PCDHA2: variants seen among roughly 807,000 people sequenced by gnomAD.
The protein encoded by PCDHA2 is protocadherin alpha 2, also known as protocadherin alpha-2.
In PCDHA2, 58 loss-of-function variants were observed where a neutral mutation model predicts 66.0. That is an observed-to-expected ratio of 0.88 (90% CI 0.71 to 1.09). PCDHA2 has a LOEUF of 1.09. Ranked by LOEUF, PCDHA2 falls within the 50% of genes least tolerant of loss-of-function variation. The pLI is 0.00. For missense variants in PCDHA2, 1,267 were observed against 1,242.3 expected, an observed-to-expected ratio of 1.02 and a Z score of -0.30; for synonymous variants, 634 against 554.0, an observed-to-expected ratio of 1.14 and a Z score of -2.03.
chr5:140,850,287 G>A lies in PCDHA2; in HGVS notation c.2388+52935G>A. On this transcript the variant is annotated intron_variant, in intron 1 of 3. Transcript: ENST00000526136. ...AGTGGTGGGGAAGGTGCGCGCAGTG[G>A]ACGCCGACTCGGGCTACAACGCGTG... 2.5e-6 allele frequency: 4 copies of A among 1,595,954 alleles called. 1 individual carries two copies. Among genetic ancestry groups the A allele is most frequent in the Non-Finnish European group, 3.4e-6 (4 of 1,167,630 alleles).
intron 3 of PCDHA2, among the ~76,000 whole-genome samples, chr5:140,993,609 T>C (rs1554253871): frequency 6.6e-6 from 1 of 152,078 alleles, no homozygotes; most frequent in African/African-American, 2.4e-5. Flanking sequence ...GAGAATTTTG[T>C]TGGGACCCTC....
chr5:140,954,673 CTT>C (rs1173553071), intron 1 of PCDHA2, among the ~76,000 whole-genome samples: 2 of 152,076 alleles, frequency 1.3e-5, no homozygotes, highest in South Asian at 4.1e-4. Flanking sequence ...GGATATTAGA[CTT>C]TTGTCAGATG....
intron 1 of PCDHA2, chr5:140,875,490 A>G: frequency 6.2e-7 from 1 of 1,612,864 alleles, no homozygotes; most frequent in Non-Finnish European, 8.5e-7. Context: ...TTATCGGACC[A>G]AGAGGCCCGG....
chr5:140,878,318 C>T (rs2057536608), intron 1 of PCDHA2, among the ~76,000 whole-genome samples: 1 of 152,176 alleles, frequency 6.6e-6, no homozygotes, highest in African/African-American at 2.4e-5. Context: ...TAGACATTTT[C>T]ACATTATATT....
chr5:140,903,760 C>T (rs1252310927), intron 1 of PCDHA2, among the ~76,000 whole-genome samples: 2 of 152,108 alleles, frequency 1.3e-5, no homozygotes, highest in Non-Finnish European at 2.9e-5. Flanking sequence ...TTGATTTTTG[C>T]TGAACTTTTC....
chr5:140,829,227 C>T (rs2150164224), intron 1 of PCDHA2: 1 of 1,614,240 alleles, frequency 6.2e-7, no homozygotes, highest in African/African-American at 1.3e-5. Context: ...GACCTCGATT[C>T]AGGTGCCAAC....
intron 1 of PCDHA2, among the ~76,000 whole-genome samples, chr5:140,952,192 G>A (rs572613863): frequency 1.1e-4 from 16 of 152,198 alleles, no homozygotes; most frequent in African/African-American, 3.9e-4. Flanking sequence ...TCATGGGTTG[G>A]TGTTGAATGC....
At chr5:140,976,310 G>A (rs1216220776) in intron 1 of PCDHA2, among the ~76,000 whole-genome samples, 1 of 152,036 alleles carries the variant, frequency 6.6e-6, no homozygotes, top group African/African-American at 2.4e-5. Context: ...CAGCACTTTG[G>A]GAGGCCGAGG....
At chr5:140,962,454 T>A (rs1554226040) in intron 1 of PCDHA2, among the ~76,000 whole-genome samples, 1 of 152,194 alleles carries the variant, frequency 6.6e-6, no homozygotes, top group Non-Finnish European at 1.5e-5. Flanking sequence ...TTGAATCTCT[T>A]ATGGCTTGAA....
chr5:140,887,306 C>G (rs2061398552), intron 1 of PCDHA2, among the ~76,000 whole-genome samples: 1 of 152,096 alleles, frequency 6.6e-6, no homozygotes. Flanking sequence ...TCTTGTTAGC[C>G]AGGATAGTCT....
rs1554206991 is a variant in PCDHA2, at chr5:140,929,323, A to G, written c.2389-49626A>G. 4 of 1,540,320 alleles carry G rather than the reference A, an allele frequency of 2.6e-6. No homozygotes were observed. In the Admixed American group the frequency reaches 8.1e-5, roughly 31 times the overall value. On this transcript the variant is annotated intron_variant, in intron 1 of 3. Transcript: ENST00000526136. ...AGGGGATCACGCTAATGTCAATGCC[A>G]TGGTAAGCAAATTTTATGGAATTTG...
intron 1 of PCDHA2, chr5:140,823,464 G>A (rs543460881): frequency 6.2e-7 from 1 of 1,613,420 alleles, no homozygotes; most frequent in Non-Finnish European, 8.5e-7. Flanking sequence ...ACGCGCCGGC[G>A]CTGCTGGTGC....
chr5:140,807,519 A>T (rs1763955362), intron 1 of PCDHA2: 2 of 1,614,094 alleles, frequency 1.2e-6, no homozygotes, highest in African/African-American at 2.7e-5. Flanking sequence ...GTGATCGTAG[A>T]CAGGCCGCTG....
At chr5:140,801,071 T>C in intron 1 of PCDHA2, 1 of 1,467,976 alleles carries the variant, frequency 6.8e-7, no homozygotes, top group Non-Finnish European at 9.0e-7. Context: ...CGTATTCAGA[T>C]ACTGCTTTGC....
At chr5:140,987,952 C>T (rs1176597775) in intron 3 of PCDHA2, among the ~76,000 whole-genome samples, 1 of 152,128 alleles carries the variant, frequency 6.6e-6, no homozygotes, top group African/African-American at 2.4e-5. Flanking sequence ...TCTGACAAAA[C>T]CAACTCCCCA....
intron 3 of PCDHA2, among the ~76,000 whole-genome samples, chr5:140,986,690 AAC>A (rs2097209708): frequency 6.6e-6 from 1 of 152,172 alleles, no homozygotes; most frequent in South Asian, 2.1e-4. Context: ...AAAGTTTCAA[AAC>A]ACACAGCACT....
intron 1 of PCDHA2, chr5:140,928,749 T>A: frequency 1.2e-6 from 2 of 1,614,194 alleles, no homozygotes; most frequent in Non-Finnish European, 1.7e-6. Flanking sequence ...GTGAGCTCCG[T>A]ACTGCTCGCT....
At chr5:140,946,720 A>C (rs1460843213) in intron 1 of PCDHA2, among the ~76,000 whole-genome samples, 4 of 150,970 alleles carry the variant, frequency 2.6e-5, no homozygotes, top group African/African-American at 9.8e-5. Flanking sequence ...ATGTTTAGTT[A>C]AATAAGCCAG....
chr5:140,943,006 C>G (rs1314561126), intron 1 of PCDHA2, among the ~76,000 whole-genome samples: 1 of 151,932 alleles, frequency 6.6e-6, no homozygotes, highest in East Asian at 1.9e-4. Context: ...CCTGTAATCC[C>G]AGCACTTTGG....
Sources: allele counts gnomAD v4.1 joint callset (sites outside exome capture counted in the v4.1 genomes callset), GRCh38; gene constraint gnomAD v4.1.1; transcripts MANE v1.5; gene names NCBI Gene and HGNC (gene_info 2026-07-23, HGNC 2026-07-21).